Variants in MRPL1 observed in about 807,000 individuals in gnomAD.
MRPL1 encodes large ribosomal subunit protein uL1m.
A neutral mutation model predicts 38.0 loss-of-function variants in MRPL1; 28 were observed. The ratio of observed to expected loss-of-function variants is 0.74; its 90% CI spans 0.55 to 1.01. MRPL1 has a LOEUF of 1.01. MRPL1 is among the 50% of genes least tolerant of loss of function. MRPL1 has a pLI of 0.00. For missense variants in MRPL1, 358 were observed against 389.8 expected, an observed-to-expected ratio of 0.92 and a Z score of 0.69; for synonymous variants, 123 against 126.7, an observed-to-expected ratio of 0.97 and a Z score of 0.20.
chr4:77,931,486 T>C (rs946306779), intron 7 of MRPL1, among the ~76,000 whole-genome samples: 15 of 152,252 alleles, frequency 9.9e-5, no homozygotes, highest in Non-Finnish European at 5.9e-5. Flanking sequence ...AGAGGATTAA[T>C]GAATCACTGT....
At chr4:77,885,129 T>C in intron 3 of MRPL1, 127 bp from the exon 4 acceptor site, 1 of 638,282 alleles carries the variant, frequency 1.6e-6, no homozygotes, top group South Asian at 2.1e-5. Context: ...TAGTTCTGAA[T>C]TAATGGAAGA....
At position 77,900,358 on chromosome 4, in the gene MRPL1, A is replaced by C. The variant is rs564095093; in HGVS notation, c.670+6108A>C. Reference sequence around the variant, plus strand: ...AAGAAGATAAACACTGAGGAGAGAGAGATGAGAGCAAACTGCTGCACTAAA... The same window carrying C: ...AAGAAGATAAACACTGAGGAGAGAGCGATGAGAGCAAACTGCTGCACTAAA... On this transcript the variant is annotated intron_variant, in intron 6 of 8. Transcript: ENST00000315567. Among the ~76,000 whole-genome samples, 4 of 152,282 alleles carry C rather than the reference A, an allele frequency of 2.6e-5. No homozygotes were observed. The East Asian group carries it at 7.7e-4, about 29-fold the overall frequency.
intron 6 of MRPL1, among the ~76,000 whole-genome samples, chr4:77,901,694 C>T (rs1410834655): frequency 6.6e-6 from 1 of 152,126 alleles, no homozygotes. Context: ...CTTAAAGCTT[C>T]AAAATACTTG....
At chr4:77,939,230 T>C (rs964591052) in intron 7 of MRPL1, among the ~76,000 whole-genome samples, 12 of 152,272 alleles carry the variant, frequency 7.9e-5, no homozygotes, top group African/African-American at 2.9e-4. Flanking sequence ...TCCAGGTTGC[T>C]GTTCTTGCAG....
rs889410895 is a variant in MRPL1 at position 77,917,927 on chromosome 4, A to G, written c.777+8555A>G. On this transcript the variant is annotated intron_variant, in intron 7 of 8. Coordinates refer to ENST00000315567, the MANE Select transcript of MRPL1 (RefSeq NM_020236.4). ...AAAAATTAGCCAGGCATGGTGGTGC[A>G]TGCTGTAGTCCCAGCTACCTGGGAG... is the stretch of plus-strand genomic sequence containing the variant. Among the ~76,000 whole-genome samples the G allele has an allele frequency of 1.4e-4, 21 of 152,024 alleles. 1 individual carries two copies. In the East Asian group the frequency reaches 2.1e-3, roughly 15 times the overall value.
intron 4 of MRPL1, among the ~76,000 whole-genome samples, chr4:77,886,202 T>A (rs1735671806): frequency 6.6e-6 from 1 of 152,192 alleles, no homozygotes; most frequent in African/African-American, 2.4e-5. Context: ...AGGGTCTTGG[T>A]CTGTTGTCCA....
intron 7 of MRPL1, among the ~76,000 whole-genome samples, chr4:77,920,370 A>G (rs1736540537): frequency 1.3e-5 from 2 of 152,188 alleles, no homozygotes; most frequent in African/African-American, 4.8e-5. Flanking sequence ...TTGATATTTT[A>G]TCTTAGAACA....
chr4:77,932,173 G>A (rs777429404), intron 7 of MRPL1, among the ~76,000 whole-genome samples: 1 of 152,198 alleles, frequency 6.6e-6, no homozygotes, highest in African/African-American at 2.4e-5. Context: ...CTGTGTTCAA[G>A]TTGGCAGATA....
At chr4:77,903,793 C>T (rs1338660965) in intron 6 of MRPL1, among the ~76,000 whole-genome samples, 5 of 151,878 alleles carry the variant, frequency 3.3e-5, no homozygotes, top group Non-Finnish European at 5.9e-5. Context: ...AGGGATATAC[C>T]ATAGTAGTGG....
At chr4:77,898,989 A>ATTT (rs745761741) in intron 6 of MRPL1, among the ~76,000 whole-genome samples, 17 of 95,072 alleles carry the variant, frequency 1.8e-4, no homozygotes, top group African/African-American at 3.5e-4. Flanking sequence ...TTATGCACAG[A>ATTT]TTTTTTTTTT....
At position 77,887,273 on chromosome 4, in the gene MRPL1, C is replaced by T; in HGVS notation, c.540C>T (p.Gly180=). The T allele has an allele frequency of 1.9e-6, 3 of 1,613,404 alleles. No individual in the cohort carries two copies. Among genetic ancestry groups the T allele is most frequent in the Non-Finnish European group, 2.5e-6 (3 of 1,179,388 alleles). Residue 180 remains glycine, a synonymous_variant, in exon 5 of 9, where the codon GGC becomes GGT. Transcript: ENST00000315567. The stretch of plus-strand genomic sequence containing the variant: ...AAAATGGAGCTGCATTTGCAGGAGG[C>T]ACTAGTCTGATACAGAAGGTACAGT... ...AEENGAAFAG[G]TSLIQKIWDD... is the part of the protein sequence containing the mutation.
chr4:77,909,843 G>T (rs1487692502), intron 7 of MRPL1, among the ~76,000 whole-genome samples: 1 of 152,110 alleles, frequency 6.6e-6, no homozygotes, highest in Non-Finnish European at 1.5e-5. Flanking sequence ...GCTTTTAGAA[G>T]ATGCTGGAAA....
At chr4:77,925,083 A>G (rs1736680823) in intron 7 of MRPL1, among the ~76,000 whole-genome samples, 1 of 152,186 alleles carries the variant, frequency 6.6e-6, no homozygotes, top group South Asian at 2.1e-4. Context: ...AACTAATACA[A>G]CTAGATTACT....
intron 7 of MRPL1, among the ~76,000 whole-genome samples, chr4:77,929,769 TA>T (rs386400570): frequency 3.3e-5 from 5 of 150,170 alleles, no homozygotes; most frequent in South Asian, 4.2e-4. Flanking sequence ...GGGTTTTATT[TA>T]AAAAAAAAAA....
At chr4:77,874,232 C>T (rs369044063) in intron 2 of MRPL1, among the ~76,000 whole-genome samples, 88 of 152,156 alleles carry the variant, frequency 5.8e-4, no homozygotes, top group African/African-American at 2.0e-3. Context: ...GTGATCTGCC[C>T]GCCTTGGCCT....
At chr4:77,886,635 G>C in intron 4 of MRPL1, among the ~76,000 whole-genome samples, 1 of 151,688 alleles carries the variant, frequency 6.6e-6, no homozygotes, top group East Asian at 1.9e-4. Flanking sequence ...ACCCAGCCTG[G>C]CAGGCTAATT....
At chr4:77,936,604 A>G (rs547228544) in intron 7 of MRPL1, among the ~76,000 whole-genome samples, 3 of 152,334 alleles carry the variant, frequency 2.0e-5, no homozygotes, top group African/African-American at 7.2e-5. Flanking sequence ...TGTATTGTCT[A>G]TGATTTCTTT....
chr4:77,894,073 G>T, intron 5 of MRPL1, 66 bp from the exon 6 acceptor site: 1 of 879,836 alleles, frequency 1.1e-6, no homozygotes, highest in East Asian at 2.5e-5. Context: ...TGACTACATT[G>T]TACTTTTTCA....
At chr4:77,866,748 C>CTTTTTTTTTTTTTTTTTTTT (rs1560457402) in intron 1 of MRPL1, among the ~76,000 whole-genome samples, 1 of 150,150 alleles carries the variant, frequency 6.7e-6, no homozygotes, top group African/African-American at 2.5e-5. Context: ...ATATCACCCC[C>CTTTTTTTTTTTTTTTTTTTT]CTTTTTTTTT....
Sources: gnomAD v4.1 joint callset for allele counts (sites outside exome capture counted in the v4.1 genomes callset) on GRCh38, gnomAD v4.1.1 for gene constraint, MANE v1.5 for transcripts, NCBI Gene and HGNC (gene_info 2026-07-23, HGNC 2026-07-21) for gene names.